Variants in PHACTR2 observed in about 807,000 individuals in gnomAD.
The protein encoded by PHACTR2 is phosphatase and actin regulator 2, also known as chromosome 6 open reading frame 56.
PHACTR2 carries 30 observed loss-of-function variants against 76.0 expected under a neutral mutation model. The ratio of observed to expected loss-of-function variants is 0.39; its 90% CI spans 0.30 to 0.54. PHACTR2 has a LOEUF of 0.54. PHACTR2 is among the 20% of genes least tolerant of loss of function. The probability of loss-of-function intolerance (pLI) is 0.61; values close to 1 mark genes in which losing one functional copy is unlikely to be tolerated. For missense variants in PHACTR2, 696 were observed against 781.1 expected, an observed-to-expected ratio of 0.89 and a Z score of 1.30; for synonymous variants, 292 against 292.5, an observed-to-expected ratio of 1.00 and a Z score of 0.02.
intron 1 of PHACTR2, among the ~76,000 whole-genome samples, chr6:143,577,507 C>G (rs545711162): frequency 6.6e-6 from 1 of 152,080 alleles, no homozygotes; most frequent in Non-Finnish European, 1.5e-5. Flanking sequence ...GAAAAAAACT[C>G]CAACCAGGAG....
At chr6:143,631,313 C>G (rs1452508709) in intron 1 of PHACTR2, among the ~76,000 whole-genome samples, 1 of 152,108 alleles carries the variant, frequency 6.6e-6, no homozygotes, top group African/African-American at 2.4e-5. Flanking sequence ...GCCTCAGCCT[C>G]CCTAGTAGCT....
chr6:143,632,678 A>G (rs1360913372), intron 1 of PHACTR2, among the ~76,000 whole-genome samples: 2 of 152,222 alleles, frequency 1.3e-5, no homozygotes, highest in East Asian at 3.9e-4. Flanking sequence ...AATGACATAC[A>G]TTCACTGATA....
intron 1 of PHACTR2, among the ~76,000 whole-genome samples, chr6:143,615,332 G>A (rs1413185636): frequency 1.3e-5 from 2 of 152,144 alleles, no homozygotes; most frequent in South Asian, 4.1e-4. Flanking sequence ...TGAGCACCGT[G>A]CTTGGGCTGT....
rs752897505 is a variant in PHACTR2 at position 143,664,027 on chromosome 6, C to T, written c.14-47989C>T. 2.0e-5 allele frequency among the ~76,000 whole-genome samples: 3 copies of T among 151,712 alleles called. No individual in the cohort carries two copies. Among genetic ancestry groups the T allele is most frequent in the East Asian group, 1.9e-4 (1 of 5,180 alleles). ...CTCTCCTTATTATTGTGGATCTGTC[C>T]GTTTATCATTGTAATTCTGTTAGTT... is the stretch of plus-strand genomic sequence containing the variant. On this transcript the variant is annotated intron_variant, in intron 1 of 11. Transcript: ENST00000305766. This position sits in a 1 kb window ranked among gnomAD's most constrained non-coding sequence, Gnocchi z 5.1.
intron 1 of PHACTR2, among the ~76,000 whole-genome samples, chr6:143,635,051 C>G (rs1175720151): frequency 6.6e-6 from 1 of 151,986 alleles, no homozygotes; most frequent in Admixed American, 6.6e-5. Context: ...AGATGGTGCA[C>G]AAATATATTC....
upstream of PHACTR2, among the ~76,000 whole-genome samples, chr6:143,674,509 A>C (rs1383996173): frequency 6.6e-6 from 1 of 152,088 alleles, no homozygotes; most frequent in Non-Finnish European, 1.5e-5. The surrounding 1 kb of genome is among the most constrained non-coding windows in gnomAD (Gnocchi z 4.9). Flanking sequence ...TAAGGGTGTA[A>C]ATTAATGTAA....
At chr6:143,773,530 C>CAAA (rs60299258) in intron 7 of PHACTR2, among the ~76,000 whole-genome samples, 2 of 108,166 alleles carry the variant, frequency 1.8e-5, no homozygotes, top group African/African-American at 3.0e-5. Context: ...TTGCATGGAG[C>CAAA]AAAAAAAAAA....
In PHACTR2 at chr6:143,702,031, T is replaced by C. The variant is rs115142804; in HGVS notation, c.47-9985T>C. Among the ~76,000 whole-genome samples the C allele has an allele frequency of 1.8e-3, 277 of 152,246 alleles. 3 individuals are homozygous for C. Among genetic ancestry groups the C allele is most frequent in the African/African-American group, 6.4e-3 (264 of 41,552 alleles). On this transcript the variant is annotated intron_variant, in intron 1 of 12. Coordinates refer to ENST00000440869, the MANE Select transcript of PHACTR2 (RefSeq NM_001100164.2). ...GAGTTGGAACTAGGCTCCAACTCTCTTCTTGGCTTACAGTTTACCATCCCA... is the reference window on the plus strand; with the variant it reads ...GAGTTGGAACTAGGCTCCAACTCTCCTCTTGGCTTACAGTTTACCATCCCA...
intron 1 of PHACTR2, among the ~76,000 whole-genome samples, chr6:143,601,499 A>G (rs1325735874): frequency 6.6e-6 from 1 of 152,184 alleles, no homozygotes; most frequent in Non-Finnish European, 1.5e-5. Flanking sequence ...AAGAAATCTC[A>G]TTTAGATGTC....
chr6:143,772,633 T>C lies in PHACTR2; in HGVS notation c.1432+176T>C, dbSNP rs1203042330. 6.6e-6 allele frequency among the ~76,000 whole-genome samples: 1 copy of C among 152,206 alleles called. No homozygotes were observed. Among genetic ancestry groups the C allele is most frequent in the Non-Finnish European group, 1.5e-5 (1 of 68,036 alleles). Reference sequence around the variant, plus strand: ...AAAGTTTAGCTTTTGATGGGAGGCCTTTCCAGAAGATGATGTCACATGGCT... The same window carrying C: ...AAAGTTTAGCTTTTGATGGGAGGCCCTTCCAGAAGATGATGTCACATGGCT... On this transcript the variant is annotated intron_variant, in intron 7 of 12. Coordinates refer to ENST00000440869, the MANE Select transcript of PHACTR2 (RefSeq NM_001100164.2). This position sits in a 1 kb window ranked among gnomAD's most constrained non-coding sequence, Gnocchi z 5.4.
Position 143,559,690 on chromosome 6 carries a change from CTTTTTTTTTTTT to C in PHACTR2, c.217+22508_217+22519del, listed in dbSNP as rs5880566. On this transcript the variant is annotated intron_variant, in intron 1 of 11. Coordinates refer to the PHACTR2 transcript ENST00000367584. ...TAAAAATACCAGTGATTTTTCTTTT[CTTTTTTTTTTTT>C]TTTTTTTTTTTTTTTTTTTTTTTTG... is the stretch of plus-strand genomic sequence containing the variant. Among the ~76,000 whole-genome samples, 14 of 31,904 alleles carry C rather than the reference CTTTTTTTTTTTT, an allele frequency of 4.4e-4. No homozygotes were observed. In the East Asian group the frequency reaches 0.01, roughly 23 times the overall value. The allele number at this position is 31,904 out of a possible 152,430, so 20.9% of individuals were successfully genotyped here.
At chr6:143,802,666 C>G (rs1389523133) in intron 11 of PHACTR2, among the ~76,000 whole-genome samples, 1 of 87,814 alleles carries the variant, frequency 1.1e-5, no homozygotes, top group East Asian at 3.9e-4. Flanking sequence ...AAAAAAAAAT[C>G]AGTCCTAATT....
At chr6:143,540,405 C>T (rs1421983201) in intron 1 of PHACTR2, among the ~76,000 whole-genome samples, 1 of 152,202 alleles carries the variant, frequency 6.6e-6, no homozygotes, top group Non-Finnish European at 1.5e-5. Flanking sequence ...GCCTCCCCCA[C>T]AGCTCCACCT....
rs1013850374 is a variant in PHACTR2 at position 143,809,359 on chromosome 6, GT to G, written c.1922+2233del. 1.3e-5 allele frequency among the ~76,000 whole-genome samples: 2 copies of G among 151,770 alleles called. No homozygotes were observed. Among genetic ancestry groups the G allele is most frequent in the African/African-American group, 4.8e-5 (2 of 41,346 alleles). On this transcript the variant is annotated intron_variant, in intron 12 of 12. Coordinates refer to ENST00000440869, the MANE Select transcript of PHACTR2 (RefSeq NM_001100164.2). This position sits in a 1 kb window ranked among gnomAD's most constrained non-coding sequence, Gnocchi z 4.2. ...TTTTGTTTTTGTGGGGGTATTTTTT[GT>G]TTTTTTGTTTGTTTGTTTGTTTGTT... is the stretch of plus-strand genomic sequence containing the variant.
intron 6 of PHACTR2, among the ~76,000 whole-genome samples, chr6:143,769,326 T>C (rs929617294): frequency 6.6e-6 from 1 of 152,102 alleles, no homozygotes. Flanking sequence ...ATGTATAGAA[T>C]GCACTATATT....
rs66791386 is a variant in PHACTR2, at chr6:143,648,890, T to TTG, written c.13+40584_13+40585dup. Among the ~76,000 whole-genome samples the TTG allele has an allele frequency of 1.7e-4, 26 of 150,286 alleles. No individual in the cohort carries two copies. Among genetic ancestry groups the TTG allele is most frequent in the South Asian group, 6.3e-4 (3 of 4,734 alleles). On this transcript the variant is annotated intron_variant, in intron 1 of 11. Transcript: ENST00000305766. This position sits in a 1 kb window ranked among gnomAD's most constrained non-coding sequence, Gnocchi z 6.7. ...TCTATGCATATGTGTCTATGTATGTTTGTGTGTGTGTGTGTGTCTGTCTGG... is the reference window on the plus strand; with the variant it reads ...TCTATGCATATGTGTCTATGTATGTTTGTGTGTGTGTGTGTGTGTCTGTCTGG...
At chr6:143,582,654 A>G (rs1331374867) in intron 1 of PHACTR2, among the ~76,000 whole-genome samples, 2 of 152,176 alleles carry the variant, frequency 1.3e-5, no homozygotes, top group Non-Finnish European at 2.9e-5. Context: ...ATTACAGGGT[A>G]TTATTCATAT....
upstream of PHACTR2, among the ~76,000 whole-genome samples, chr6:143,675,393 C>T (rs1333503962): frequency 6.6e-6 from 1 of 152,172 alleles, no homozygotes; most frequent in Non-Finnish European, 1.5e-5. This position sits in a 1 kb window ranked among gnomAD's most constrained non-coding sequence, Gnocchi z 4.9. Context: ...AGGCAGTTCA[C>T]ACAGGCTGGT....
rs1775176619 is a variant in PHACTR2, at chr6:143,556,496, TC to T, written c.217+19291del. ...CAAAACCAGAAAGTACATTCATAAC[TC>T]CGTATGTCAAACTAGAGAGAGGAAA... On this transcript the variant is annotated intron_variant, in intron 1 of 11. Coordinates refer to the PHACTR2 transcript ENST00000367584. The surrounding 1 kb of genome is among the most constrained non-coding windows in gnomAD (Gnocchi z 4.3). Among the ~76,000 whole-genome samples the T allele has an allele frequency of 6.6e-6, 1 of 152,116 alleles. No homozygotes were observed. The highest frequency in any genetic ancestry group is 2.4e-5 in the African/African-American group (1 of 41,412).
Sources: allele counts gnomAD v4.1 joint callset (sites outside exome capture counted in the v4.1 genomes callset), GRCh38; gene constraint gnomAD v4.1.1; non-coding constraint Gnocchi (gnomAD v3.1); transcripts MANE v1.5; gene names NCBI Gene and HGNC (gene_info 2026-07-23, HGNC 2026-07-21).